The following RIMS2 variants were observed in gnomAD, a reference collection of about 807,000 sequenced individuals.
The protein encoded by RIMS2 is regulating synaptic membrane exocytosis protein 2.
In RIMS2, 59 loss-of-function variants were observed where a neutral mutation model predicts 174.4. That is an observed-to-expected ratio of 0.34 (90% CI 0.27 to 0.42). The LOEUF (loss-of-function observed/expected upper bound fraction) is 0.42, where lower values mean the gene tolerates loss of function less well. Among genes scored for constraint, RIMS2 ranks in the 10% least tolerant of loss-of-function variants. The probability of loss-of-function intolerance (pLI) is 1.00; values close to 1 mark genes in which losing one functional copy is unlikely to be tolerated. For missense variants in RIMS2, 1,620 were observed against 1,666.3 expected (o/e 0.97, Z 0.48); for synonymous variants, 606 against 572.5 (o/e 1.06, Z -0.84).
chr8:104,168,131 A>G (rs2098808630), intron 19 of RIMS2, among the ~76,000 whole-genome samples: 1 of 151,796 alleles, frequency 6.6e-6, no homozygotes, highest in East Asian at 1.9e-4. Flanking sequence ...TTTTCTTAGT[A>G]TTGCTTTGGC....
At chr8:103,644,963 C>T (rs1037962477) in intron 1 of RIMS2, among the ~76,000 whole-genome samples, 35 of 151,880 alleles carry the variant, frequency 2.3e-4, no homozygotes, top group African/African-American at 5.1e-4. Flanking sequence ...TAAATGAGCC[C>T]ATTTACATAT....
intron 19 of RIMS2, among the ~76,000 whole-genome samples, chr8:104,185,512 G>A (rs2098963352): frequency 6.6e-6 from 1 of 151,512 alleles, no homozygotes; most frequent in Admixed American, 6.6e-5. Flanking sequence ...GAGGGCCTTT[G>A]GCTATGTAGA....
chr8:103,744,155 C>T (rs906472457), intron 2 of RIMS2, among the ~76,000 whole-genome samples: 1 of 152,188 alleles, frequency 6.6e-6, no homozygotes, highest in African/African-American at 2.4e-5. Flanking sequence ...AAGTGATCCT[C>T]CTGCTTCAGC....
intron 19 of RIMS2, among the ~76,000 whole-genome samples, chr8:104,071,635 A>G (rs2097197048): frequency 6.6e-6 from 1 of 152,082 alleles, no homozygotes; most frequent in Non-Finnish European, 1.5e-5. Flanking sequence ...ACGGGGTTTC[A>G]CCGTGTTAGC....
At chr8:104,073,621 A>G (rs2097234753) in intron 19 of RIMS2, among the ~76,000 whole-genome samples, 1 of 152,210 alleles carries the variant, frequency 6.6e-6, no homozygotes, top group African/African-American at 2.4e-5. Flanking sequence ...GATCTCTTCA[A>G]ATGGAGGCCA....
intron 1 of RIMS2, among the ~76,000 whole-genome samples, chr8:103,631,279 C>A (rs1266272445): frequency 2.0e-5 from 3 of 152,110 alleles, no homozygotes; most frequent in Non-Finnish European, 4.4e-5. Flanking sequence ...TTTAATCCAT[C>A]TTGAGTTGAT....
chr8:103,707,812 C>T (rs2137785738), intron 2 of RIMS2, among the ~76,000 whole-genome samples: 1 of 152,306 alleles, frequency 6.6e-6, no homozygotes, highest in African/African-American at 2.4e-5. Context: ...CCACTGTAGT[C>T]AACAGGCGGT....
chr8:104,041,257 C>T (rs2096603209), intron 19 of RIMS2, 69 bp from the exon 22 acceptor site: 2 of 572,762 alleles, frequency 3.5e-6, no homozygotes. Context: ...TCACTTTTTA[C>T]CTTTTGAGTA....
At chr8:104,151,768 C>T (rs1359695195) in intron 19 of RIMS2, among the ~76,000 whole-genome samples, 1 of 152,062 alleles carries the variant, frequency 6.6e-6, no homozygotes. Context: ...TTAGGTAATA[C>T]TTAAACTCAT....
intron 1 of RIMS2, among the ~76,000 whole-genome samples, chr8:103,616,971 C>T (rs903168007): frequency 7.2e-5 from 11 of 152,128 alleles, no homozygotes; most frequent in African/African-American, 2.7e-4. Flanking sequence ...TAATTTGGTG[C>T]TATTCTTACC....
intron 2 of RIMS2, among the ~76,000 whole-genome samples, chr8:103,757,943 G>A (rs747090019): frequency 6.6e-6 from 1 of 152,200 alleles, no homozygotes; most frequent in Non-Finnish European, 1.5e-5. Context: ...TCATGGCCCT[G>A]TTGACATCTT....
intron 1 of RIMS2, among the ~76,000 whole-genome samples, chr8:103,640,421 G>T (rs929647920): frequency 5.3e-5 from 8 of 151,752 alleles, no homozygotes; most frequent in African/African-American, 1.9e-4. Context: ...TCTCTGCTTA[G>T]ATTTTATTTT....
intron 19 of RIMS2, among the ~76,000 whole-genome samples, chr8:104,059,812 CATCT>C (rs1247769769): frequency 2.6e-5 from 4 of 152,120 alleles, no homozygotes; most frequent in Non-Finnish European, 4.4e-5. Context: ...GCCTTTTCTG[CATCT>C]ATTGAAATAA....
intron 10 of RIMS2, among the ~76,000 whole-genome samples, chr8:103,922,262 A>T (rs1373771434): frequency 1.3e-5 from 2 of 151,968 alleles, no homozygotes; most frequent in African/African-American, 4.8e-5. Flanking sequence ...GATACTTGAG[A>T]TATTTTTGTC....
rs536454590 is a variant in RIMS2 at position 103,769,526 on chromosome 8, A to G, written c.698+2989A>G. ...TTTTTAGTAGAGACAGGGTCTCACC[A>G]TGTTGGCCAGGCTGGTCTCATATTC... is the stretch of plus-strand genomic sequence containing the variant. On this transcript the variant is annotated intron_variant, in intron 3 of 23. Coordinates refer to ENST00000504942, the Ensembl canonical transcript of RIMS2. 3.0e-3 allele frequency among the ~76,000 whole-genome samples: 461 copies of G among 152,224 alleles called. 1 individual carries two copies. The highest frequency in any genetic ancestry group is 4.7e-3 in the Non-Finnish European group (319 of 67,996).
chr8:103,769,654 T>C (rs2098226898), intron 3 of RIMS2, among the ~76,000 whole-genome samples: 1 of 152,192 alleles, frequency 6.6e-6, no homozygotes, highest in African/African-American at 2.4e-5. Flanking sequence ...AAGAAGGTGG[T>C]AATGAGAACA....
At chr8:103,591,302 C>G (rs1036022484) in intron 1 of RIMS2, among the ~76,000 whole-genome samples, 3 of 150,834 alleles carry the variant, frequency 2.0e-5, no homozygotes, top group Admixed American at 6.6e-5. Flanking sequence ...TTTATTCATG[C>G]TGGATATGAA....
chr8:104,053,617 C>T (rs2096824245), intron 19 of RIMS2, among the ~76,000 whole-genome samples: 1 of 152,126 alleles, frequency 6.6e-6, no homozygotes, highest in African/African-American at 2.4e-5. Context: ...AATTAAATCA[C>T]TTAGTATAAA....
chr8:104,182,358 T>C, intron 19 of RIMS2, among the ~76,000 whole-genome samples: 1 of 151,994 alleles, frequency 6.6e-6, no homozygotes, highest in South Asian at 2.1e-4. Flanking sequence ...AAAAATATCT[T>C]ATTTTTAACA....
Sources: allele counts gnomAD v4.1 joint callset (sites outside exome capture counted in the v4.1 genomes callset), GRCh38; gene constraint gnomAD v4.1.1; transcripts MANE v1.5; gene names NCBI Gene and HGNC (gene_info 2026-07-23, HGNC 2026-07-21).